Variants in KCNH2 observed in about 807,000 individuals in gnomAD.
KCNH2 encodes the protein voltage-gated inwardly rectifying potassium channel KCNH2.
A neutral mutation model predicts 95.9 loss-of-function variants in KCNH2; 35 were observed. The observed-to-expected ratio is 0.37, with a 90% CI of 0.28 to 0.48. The LOEUF (loss-of-function observed/expected upper bound fraction) is 0.48, where lower values mean the gene tolerates loss of function less well. Ranked by LOEUF, KCNH2 falls within the 20% of genes least tolerant of loss-of-function variation. The pLI is 0.99. For missense variants in KCNH2, 1,274 were observed against 1,702.9 expected, an observed-to-expected ratio of 0.75 and a Z score of 4.43; for synonymous variants, 786 against 754.7, an observed-to-expected ratio of 1.04 and a Z score of -0.68.
intron 9 of KCNH2, chr7:150,949,823 T>C (rs1801064234): frequency 8.0e-7 from 1 of 1,248,646 alleles, no homozygotes; most frequent in South Asian, 1.5e-5. Context: ...ACATGGCCCT[T>C]AGTGAAACCA....
chr7:150,951,151 C>T, intron 7 of KCNH2, 31 bp from the exon 8 acceptor site: 1 of 1,560,920 alleles, frequency 6.4e-7, no homozygotes, highest in Non-Finnish European at 8.7e-7. Context: ...GGCCGTCAGC[C>T]TCTGCAGGGA....
intron 1 of KCNH2, 42 bp downstream of exon 1, chr7:150,977,795 GC>G: frequency 2.3e-6 from 1 of 440,728 alleles, no homozygotes. Flanking sequence ...AGCTCGGCCC[GC>G]CCCCAGAGCC....
rs751990235 is a variant in KCNH2, at chr7:150,945,351, A to G, written c.*14T>C. 10 of 1,582,648 alleles carry G rather than the reference A, an allele frequency of 6.3e-6. No individual in the cohort carries two copies. The East Asian group carries it at 1.6e-4, about 26-fold the overall frequency. On this transcript the variant is annotated 3_prime_UTR_variant, in exon 15 of 15. Coordinates refer to ENST00000262186, the MANE Select transcript of KCNH2 (RefSeq NM_000238.4). The surrounding 1 kb of genome is among the most constrained non-coding windows in gnomAD (Gnocchi z 5.6). Reference sequence around the variant, plus strand: ...ATCCCTGGGTGAGCCACGTGTCCACACTGGGCAGCCCCACTAACTGCCCGG... The same window carrying G: ...ATCCCTGGGTGAGCCACGTGTCCACGCTGGGCAGCCCCACTAACTGCCCGG...
rs761167679 is a variant in KCNH2 at position 150,950,143 on chromosome 7, C to A, written c.2398+25G>T. The A allele has an allele frequency of 1.8e-5, 28 of 1,587,644 alleles. 1 individual carries two copies. In the Middle Eastern group the frequency reaches 5.0e-4, roughly 29 times the overall value. On this transcript the variant is annotated intron_variant, in intron 9 of 14. Transcript: ENST00000262186. ...TGAGGCTGCAGAGGGCATTTCCAGT[C>A]CAGTGCCCGCCCCCCACCCCATACC...
Position 150,957,382 on chromosome 7 carries a change from T to G in KCNH2, c.1037A>C (p.Asp346Ala), listed in dbSNP as rs1584863885. ...ACTGGTGGGCGAAGCCAAGAAGGGG[T>G]CGCCCTTGAGGTCCACAAAGTTGAG... ...ITLNFVDLKG[D>A]PFLASPTSDR... Residue 346 changes from aspartate to alanine, a missense_variant, in exon 5 of 15, where the codon GAC becomes GCC. This residue lies in a region of KCNH2 where 392 missense variants were observed against 429.9 expected (regional missense o/e 0.91). Transcript: ENST00000262186. The G allele has an allele frequency of 6.2e-7, 1 of 1,613,868 alleles. No individual in the cohort carries two copies. Among genetic ancestry groups the G allele is most frequent in the Non-Finnish European group, 8.5e-7 (1 of 1,179,932 alleles).
At chr7:150,947,927 G>T (rs574529725) in intron 11 of KCNH2, 49 bp from the exon 12 acceptor site, 1 of 1,513,392 alleles carries the variant, frequency 6.6e-7, no homozygotes, top group Admixed American at 2.1e-5. Context: ...GAACAGAGAG[G>T]AGGGGGCGAG....
In KCNH2 at chr7:150,958,028, T is replaced by A. The variant is rs1230383474; in HGVS notation, c.916+31A>T. 3.9e-6 allele frequency: 5 copies of A among 1,269,102 alleles called. No individual in the cohort carries two copies. In the African/African-American group the frequency reaches 7.7e-5, roughly 20 times the overall value. 78.6% of individuals were successfully genotyped at this position (1,269,102 alleles called of 1,614,324 possible). ...GCCTGGCAGCAGAAGAAGCGTGGGC[T>A]GGGGCGGAACGGGTCCCGCGGCGCC... On this transcript the variant is annotated intron_variant, in intron 4 of 14. Coordinates refer to ENST00000262186, the MANE Select transcript of KCNH2 (RefSeq NM_000238.4).
Position 150,946,179 on chromosome 7 carries a change from AGT to A in KCNH2, c.3331-667_3331-666del, listed in dbSNP as rs1800881028. On this transcript the variant is annotated intron_variant, in intron 14 of 14. Transcript: ENST00000262186. This position sits in a 1 kb window ranked among gnomAD's most constrained non-coding sequence, Gnocchi z 6.5. ...CCAGGCCGCCTCTGGCAGCCAGAGGAGTCCCCACCATGGACGCGGAGGTTGAC... is the reference window on the plus strand; with the variant it reads ...CCAGGCCGCCTCTGGCAGCCAGAGGACCCCACCATGGACGCGGAGGTTGAC... Among the ~76,000 whole-genome samples the A allele has an allele frequency of 6.6e-6, 1 of 152,086 alleles. No individual in the cohort carries two copies. Among genetic ancestry groups the A allele is most frequent in the Non-Finnish European group, 1.5e-5 (1 of 67,996 alleles).
intron 6 of KCNH2, 40 bp from the exon 7 acceptor site, chr7:150,951,875 A>G (rs755918690): frequency 1.3e-6 from 2 of 1,504,766 alleles, no homozygotes; most frequent in Admixed American, 1.9e-5. Flanking sequence ...TGATGGGGCA[A>G]GGGGGGCAAG....
intron 2 of KCNH2, 87 bp from the exon 3 acceptor site, chr7:150,959,823 G>A: frequency 6.7e-7 from 1 of 1,486,216 alleles, no homozygotes; most frequent in Non-Finnish European, 9.3e-7. Flanking sequence ...GAACCCAAGT[G>A]GGCCCGTCCA....
At position 150,947,513 on chromosome 7, in the gene KCNH2, G is replaced by T. The variant is rs759887868; in HGVS notation, c.2967C>A (p.Gly989=). The T allele has an allele frequency of 6.3e-7, 1 of 1,593,980 alleles. No individual in the cohort carries two copies. Among genetic ancestry groups the T allele is most frequent in the East Asian group, 2.3e-5 (1 of 44,030 alleles). ...AAATGTTGGACACTCCTGAGAAGGC[G>T]CCTGCAGCCAGAGAGCAGAGCTGGG... ...KSSDTCNPLS[G]AFSGVSNIFS... Residue 989 remains glycine, a splice_region_variant and synonymous_variant, in exon 13 of 15, where the codon GGC becomes GGA. Transcript: ENST00000262186.
chr7:150,958,305 C>T lies in KCNH2; in HGVS notation c.670G>A (p.Gly224Arg), dbSNP rs794728358. Residue 224 changes from glycine (G) to arginine (R), a missense_variant, in exon 4 of 15, where the codon GGG (glycine) becomes AGG (arginine). By Grantham distance (125) the Gly-to-Arg change is moderately radical. This residue lies in a region of KCNH2 where 392 missense variants were observed against 429.9 expected (regional missense o/e 0.91). Transcript: ENST00000262186. ...EVTAMDNHVA[G>R]LGPAEERRAL... ...CGCCGCTCCTCCGCGGGCCCGAGCC[C>T]TGCCACGTGGTTGTCCATGGCTGTC... 6.8e-7 allele frequency: 1 copy of T among 1,480,324 alleles called. No individual in the cohort carries two copies. The highest frequency in any genetic ancestry group is 8.9e-7 in the Non-Finnish European group (1 of 1,121,806). 91.7% of individuals were successfully genotyped at this position (1,480,324 alleles called of 1,614,324 possible).
chr7:150,947,834 C>A lies in KCNH2; in HGVS notation c.2737G>T (p.Ala913Ser). Residue 913 changes from alanine (A) to serine (S), a missense_variant, in exon 12 of 15, where the codon GCG becomes TCG. Ala to Ser is a moderately conservative substitution (Grantham distance 99). This residue lies in a region of KCNH2 where 457 missense variants were observed against 416.1 expected (regional missense o/e 1.10). Transcript: ENST00000262186. Reference sequence around the variant, plus strand: ...CCCCGGCTACTCGGCCCTGCCCCCGCCCGGCCCGGCCCCAAGGCCGACACC... The same window carrying A: ...CCCCGGCTACTCGGCCCTGCCCCCGACCGGCCCGGCCCCAAGGCCGACACC... ...GEVSALGPGR[A>S]GAGPSSRGRP... 1 of 1,525,266 alleles carries A rather than the reference C, an allele frequency of 6.6e-7. No homozygotes were observed. Among genetic ancestry groups the A allele is most frequent in the East Asian group, 2.5e-5 (1 of 40,746 alleles). The allele number at this position is 1,525,266 out of a possible 1,614,324, so 94.5% of individuals were successfully genotyped here.
chr7:150,950,147 T>TGGGG, intron 9 of KCNH2, 21 bp downstream of exon 9: 1 of 843,270 alleles, frequency 1.2e-6, no homozygotes, highest in Non-Finnish European at 1.9e-6. Flanking sequence ...TCCAGTCCAG[T>TGGGG]GCCCGCCCCC....
intron 5 of KCNH2, among the ~76,000 whole-genome samples, chr7:150,954,889 C>T (rs537358324): frequency 2.0e-5 from 3 of 152,320 alleles, no homozygotes; most frequent in East Asian, 1.9e-4. Context: ...CTCAGCCCAG[C>T]GCGCCCTCAC....
intron 2 of KCNH2, among the ~76,000 whole-genome samples, chr7:150,974,044 C>T (rs1455007496): frequency 6.6e-6 from 1 of 152,228 alleles, no homozygotes; most frequent in African/African-American, 2.4e-5. Context: ...ATCCGCTCTC[C>T]GGAAGCCCAG....
rs772977598 is a variant in KCNH2, at chr7:150,947,710, C to A, written c.2861G>T (p.Arg954Leu). 1 of 1,585,136 alleles carries A rather than the reference C, an allele frequency of 6.3e-7. No individual in the cohort carries two copies. Among genetic ancestry groups the A allele is most frequent in the Non-Finnish European group, 8.6e-7 (1 of 1,167,536 alleles). The change falls in exon 12 of 15, where the codon CGC (arginine) becomes CTC (leucine). Residue 954 changes from arginine (R) to leucine (L), a missense_variant. By Grantham distance (102) the Arg-to-Leu change is moderately radical (BLOSUM62 -2). Transcript: ENST00000262186. ...CCTGGGGCTGGAGAAGGGCACCAGG[C>A]GGAGGGGGCTGGAGCTGCGGCCTGG... ...EGPGRSSSPLRLVPFSSPRPP... is the reference protein window; with the variant it reads ...EGPGRSSSPLLLVPFSSPRPP...
Position 150,945,439 on chromosome 7 carries a change from G to T in KCNH2, c.3406C>A (p.Leu1136Ile), listed in dbSNP as rs1344656004. The T allele has an allele frequency of 1.3e-6, 2 of 1,568,408 alleles. No individual in the cohort carries two copies. Among genetic ancestry groups the T allele is most frequent in the East Asian group, 2.4e-5 (1 of 42,376 alleles). ...GCCCCCAGCTGGCCCGGTAGGGAGA[G>T]GCGTCGTGTGGGGCCTTCTTGGGGA... is the stretch of plus-strand genomic sequence containing the variant. ...ELPQEGPTRR[L>I]SLPGQLGALT... Residue 1136 changes from leucine to isoleucine, a missense_variant, in exon 15 of 15, where the codon CTC (leucine) becomes ATC (isoleucine). Leu to Ile is a conservative substitution (Grantham distance 5). This residue lies in a region of KCNH2 where 457 missense variants were observed against 416.1 expected (regional missense o/e 1.10). Coordinates refer to ENST00000262186, the MANE Select transcript of KCNH2 (RefSeq NM_000238.4). This position sits in a 1 kb window ranked among gnomAD's most constrained non-coding sequence, Gnocchi z 5.6.
chr7:150,945,614 G>A lies in KCNH2; in HGVS notation c.3331-100C>T. ...ACCCGGGGACAGAGGATGGACGGGA[G>A]GACAGGAGGGCCAAGAGGAGAGTCA... On this transcript the variant is annotated intron_variant, in intron 14 of 14. Coordinates refer to ENST00000262186, the MANE Select transcript of KCNH2 (RefSeq NM_000238.4). The surrounding 1 kb of genome is among the most constrained non-coding windows in gnomAD (Gnocchi z 5.6). 1 of 1,259,230 alleles carries A rather than the reference G, an allele frequency of 7.9e-7. No homozygotes were observed. Among genetic ancestry groups the A allele is most frequent in the Non-Finnish European group, 1.1e-6 (1 of 883,284 alleles). 78.0% of individuals were successfully genotyped at this position (1,259,230 alleles called of 1,614,324 possible). A position where few individuals can be genotyped will look rare whatever the true frequency, so the allele number is the denominator to read the frequency against.
Sources: allele counts gnomAD v4.1 joint callset (sites outside exome capture counted in the v4.1 genomes callset), GRCh38; gene constraint gnomAD v4.1.1; regional missense constraint gnomAD v4.1.1; non-coding constraint Gnocchi (gnomAD v3.1); transcripts MANE v1.5; gene names NCBI Gene and HGNC (gene_info 2026-07-23, HGNC 2026-07-21).